Variants in ELF1 observed in about 807,000 individuals in gnomAD.
ELF1 encodes E74 like ETS transcription factor 1.
A neutral mutation model predicts 59.9 loss-of-function variants in ELF1; 24 were observed. The ratio of observed to expected loss-of-function variants is 0.40; its 90% CI spans 0.29 to 0.56. The LOEUF (loss-of-function observed/expected upper bound fraction) is 0.56, where lower values mean the gene tolerates loss of function less well. Ranked by LOEUF, ELF1 falls within the 20% of genes least tolerant of loss-of-function variation. The pLI, the probability that ELF1 is intolerant of heterozygous loss-of-function variation, is 0.44. For synonymous variants in ELF1, 248 were observed against 266.2 expected, an observed-to-expected ratio of 0.93 and a Z score of 0.67; for missense variants, 627 against 742.2, an observed-to-expected ratio of 0.84 and a Z score of 1.80.
chr13:40,957,446 G>A (rs1416879222), intron 3 of ELF1, among the ~76,000 whole-genome samples: 1 of 147,868 alleles, frequency 6.8e-6, no homozygotes, highest in East Asian at 2.0e-4. Flanking sequence ...TATATTTGGG[G>A]AGATAAAAGT....
intron 2 of ELF1, among the ~76,000 whole-genome samples, chr13:40,971,124 T>C (rs1872524151): frequency 6.6e-6 from 1 of 152,210 alleles, no homozygotes; most frequent in Non-Finnish European, 1.5e-5. Context: ...ATAAACTACT[T>C]AGAATTTATT....
chr13:40,935,211 G>A (rs1869684677), intron 8 of ELF1, among the ~76,000 whole-genome samples: 1 of 152,142 alleles, frequency 6.6e-6, no homozygotes, highest in Non-Finnish European at 1.5e-5. Context: ...TAAGGTTATT[G>A]TTAATATAGT....
At chr13:41,058,855 C>T (rs902985996) in intron 1 of ELF1, among the ~76,000 whole-genome samples, 1 of 152,178 alleles carries the variant, frequency 6.6e-6, no homozygotes, top group Non-Finnish European at 1.5e-5. Context: ...TGTCTGTAGT[C>T]CCAGCTACTT....
intron 1 of ELF1, among the ~76,000 whole-genome samples, chr13:41,030,244 A>G (rs1471841341): frequency 1.3e-5 from 2 of 152,172 alleles, no homozygotes; most frequent in Non-Finnish European, 2.9e-5. Flanking sequence ...GTTTCCAAGA[A>G]TAAGGAATGA....
chr13:41,042,708 T>C (rs544206292), intron 1 of ELF1, among the ~76,000 whole-genome samples: 3 of 152,218 alleles, frequency 2.0e-5, no homozygotes, highest in Non-Finnish European at 2.9e-5. Flanking sequence ...CAGTCTATCA[T>C]TGATGGACAT....
intron 1 of ELF1, among the ~76,000 whole-genome samples, chr13:40,996,896 T>C (rs1211447078): frequency 3.3e-5 from 5 of 152,114 alleles, no homozygotes; most frequent in Non-Finnish European, 7.4e-5. Flanking sequence ...CATCCCACTA[T>C]TGAAGAAGCC....
chr13:41,044,989 T>G (rs1352589006), intron 1 of ELF1, among the ~76,000 whole-genome samples: 2 of 152,224 alleles, frequency 1.3e-5, no homozygotes, highest in Admixed American at 6.5e-5. Context: ...ATTGGTCTAT[T>G]CAGGGATTCA....
intron 1 of ELF1, among the ~76,000 whole-genome samples, chr13:41,043,473 A>T (rs1017077812): frequency 6.6e-6 from 1 of 152,088 alleles, no homozygotes; most frequent in African/African-American, 2.4e-5. Flanking sequence ...TCTTTAATTA[A>T]TTTTTTGTAA....
At chr13:40,983,920 T>C (rs1873420901) in intron 1 of ELF1, among the ~76,000 whole-genome samples, 1 of 152,134 alleles carries the variant, frequency 6.6e-6, no homozygotes, top group South Asian at 2.1e-4. Context: ...TTCAATCCCA[T>C]CTTTTCCATT....
chr13:40,960,494 T>G (rs1018111063), intron 2 of ELF1, among the ~76,000 whole-genome samples: 2 of 152,246 alleles, frequency 1.3e-5, no homozygotes, highest in Admixed American at 6.5e-5. Flanking sequence ...TTTGCATTTT[T>G]GGTAGGAATA....
intron 1 of ELF1, among the ~76,000 whole-genome samples, chr13:41,039,333 TTTTA>T (rs1876514924): frequency 6.8e-6 from 1 of 148,052 alleles, no homozygotes; most frequent in African/African-American, 2.5e-5. Flanking sequence ...AAAGTCCTTT[TTTTA>T]AAAAAAAAAA....
intron 2 of ELF1, among the ~76,000 whole-genome samples, chr13:40,978,359 C>G (rs751837457): frequency 6.7e-6 from 1 of 148,676 alleles, no homozygotes; most frequent in East Asian, 2.0e-4. Context: ...GCCTGGGTGA[C>G]GAGGCAAGAC....
At chr13:40,983,087 T>C (rs900796295) in intron 1 of ELF1, among the ~76,000 whole-genome samples, 3 of 152,160 alleles carry the variant, frequency 2.0e-5, no homozygotes, top group African/African-American at 7.2e-5. Flanking sequence ...CTGCCAAAGA[T>C]GTTTGCCTAT....
intron 1 of ELF1, among the ~76,000 whole-genome samples, chr13:41,002,601 A>G (rs1470305576): frequency 1.3e-5 from 2 of 150,466 alleles, no homozygotes; most frequent in Non-Finnish European, 3.0e-5. Context: ...AAAAAAAAAA[A>G]GGCAAGTCCC....
chr13:40,973,119 T>C (rs1026125827), intron 2 of ELF1, among the ~76,000 whole-genome samples: 1 of 152,136 alleles, frequency 6.6e-6, no homozygotes, highest in Non-Finnish European at 1.5e-5. Flanking sequence ...CCATAAAATA[T>C]AATAAATCAT....
chr13:41,035,256 A>T (rs556578196), intron 1 of ELF1, among the ~76,000 whole-genome samples: 1 of 152,236 alleles, frequency 6.6e-6, no homozygotes, highest in Non-Finnish European at 1.5e-5. Context: ...AATACCTGGT[A>T]AAGAACATTA....
intron 1 of ELF1, among the ~76,000 whole-genome samples, chr13:41,054,837 T>G (rs888191579): frequency 1.3e-5 from 2 of 152,222 alleles, no homozygotes; most frequent in Non-Finnish European, 2.9e-5. Context: ...TGCACGTTAC[T>G]ACCAAATTCA....
intron 1 of ELF1, among the ~76,000 whole-genome samples, chr13:41,051,429 A>G (rs1290966784): frequency 1.3e-5 from 2 of 152,006 alleles, no homozygotes; most frequent in Non-Finnish European, 2.9e-5. Flanking sequence ...AGCTCTGTGC[A>G]CCTTGGCATT....
chr13:41,042,521 A>G (rs1357323563), intron 1 of ELF1, among the ~76,000 whole-genome samples: 5 of 151,346 alleles, frequency 3.3e-5, no homozygotes, highest in African/African-American at 1.2e-4. Context: ...GAGTGTTCTC[A>G]TTGTTCAATT....
Sources: allele counts gnomAD v4.1 joint callset (sites outside exome capture counted in the v4.1 genomes callset), GRCh38; gene constraint gnomAD v4.1.1; transcripts MANE v1.5; gene names NCBI Gene and HGNC (gene_info 2026-07-23, HGNC 2026-07-21).